SLC26A7: variants seen among roughly 807,000 people sequenced by gnomAD.
SLC26A7 encodes solute carrier family 26 member 7.
SLC26A7 carries 59 observed loss-of-function variants against 82.5 expected under a neutral mutation model. The ratio of observed to expected loss-of-function variants is 0.72; its 90% confidence interval spans 0.58 to 0.89. The LOEUF (loss-of-function observed/expected upper bound fraction) is 0.89. SLC26A7 is among the 40% of genes least tolerant of loss of function. SLC26A7 has a pLI of 0.00. For missense variants in SLC26A7, 820 were observed against 793.0 expected, an observed-to-expected ratio of 1.03 and a Z score of -0.41; for synonymous variants, 271 against 274.3, an observed-to-expected ratio of 0.99 and a Z score of 0.12.
intron 3 of SLC26A7, among the ~76,000 whole-genome samples, chr8:91,294,602 G>A (rs896245783): frequency 2.6e-5 from 4 of 152,268 alleles, no homozygotes; most frequent in Non-Finnish European, 5.9e-5. Context: ...AGTAATGAGA[G>A]CAAATGTTTG....
intron 4 of SLC26A7, among the ~76,000 whole-genome samples, chr8:91,296,032 A>C (rs1206099066): frequency 6.6e-6 from 1 of 152,214 alleles, no homozygotes; most frequent in African/African-American, 2.4e-5. Flanking sequence ...CTAGGTCGTC[A>C]CTGTAAGGGA....
At chr8:91,305,279 C>T (rs1263065457) in intron 4 of SLC26A7, among the ~76,000 whole-genome samples, 2 of 151,876 alleles carry the variant, frequency 1.3e-5, no homozygotes, top group Admixed American at 6.6e-5. Context: ...GTGTCTGTAT[C>T]TGTTTAAATT....
chr8:91,289,223 G>T lies in SLC26A7; in HGVS notation c.281G>T (p.Gly94Val). 1 of 1,613,112 alleles carries T rather than the reference G, an allele frequency of 6.2e-7. No homozygotes were observed. Among genetic ancestry groups the T allele is most frequent in the Non-Finnish European group, 8.5e-7 (1 of 1,179,196 alleles). The part of the protein sequence containing the change: ...LFPAIIYAIF[G>V]MGHHVATGTF... ...CCTGCCATAATTTATGCCATATTTG[G>T]AATGGGACATCATGTTGCCACAGGT... Residue 94 changes from glycine to valine, a missense_variant, in exon 3 of 19, where the codon GGA becomes GTA. By Grantham distance (109) the Gly-to-Val change is moderately radical. Coordinates refer to ENST00000276609, the MANE Select transcript of SLC26A7 (RefSeq NM_052832.4).
chr8:91,225,664 T>G (rs1411466251), intron 2 of SLC26A7, among the ~76,000 whole-genome samples: 15 of 136,504 alleles, frequency 1.1e-4, no homozygotes, highest in Middle Eastern at 3.7e-3. Context: ...TTTTTTTTTT[T>G]TTTTTTTTTT....
intron 4 of SLC26A7, among the ~76,000 whole-genome samples, chr8:91,301,116 A>G (rs1187504395): frequency 6.6e-6 from 1 of 152,184 alleles, no homozygotes; most frequent in Non-Finnish European, 1.5e-5. Flanking sequence ...TTTATTCTTA[A>G]TGTGGTACTG....
chr8:91,379,010 T>TATACTAGC (rs1814595898), intron 15 of SLC26A7, among the ~76,000 whole-genome samples: 1 of 152,002 alleles, frequency 6.6e-6, no homozygotes, highest in Admixed American at 6.6e-5. Flanking sequence ...TTGGTTTCAA[T>TATACTAGC]ATACTAGCAT....
intron 14 of SLC26A7, among the ~76,000 whole-genome samples, chr8:91,367,990 C>T (rs775085410): frequency 9.2e-5 from 14 of 152,252 alleles, no homozygotes; most frequent in African/African-American, 1.4e-4. Flanking sequence ...GGATCAGATA[C>T]GTAATTTACA....
At chr8:91,305,143 T>C (rs1444136246) in intron 4 of SLC26A7, among the ~76,000 whole-genome samples, 1 of 152,206 alleles carries the variant, frequency 6.6e-6, no homozygotes, top group Non-Finnish European at 1.5e-5. Context: ...CAGCTGGTAC[T>C]TAATAAATGT....
At chr8:91,229,893 T>C (rs1033568131) in intron 2 of SLC26A7, among the ~76,000 whole-genome samples, 22 of 152,206 alleles carry the variant, frequency 1.4e-4, no homozygotes, top group Non-Finnish European at 2.6e-4. Flanking sequence ...ACATTTGTAC[T>C]AAAAAATTCG....
intron 15 of SLC26A7, among the ~76,000 whole-genome samples, chr8:91,372,320 A>G (rs1390751728): frequency 2.0e-5 from 3 of 151,880 alleles, no homozygotes; most frequent in African/African-American, 4.8e-5. Context: ...ACCAATGTCC[A>G]GAAGAGTTTT....
At chr8:91,368,427 T>TG (rs1814257161) in intron 14 of SLC26A7, among the ~76,000 whole-genome samples, 1 of 115,864 alleles carries the variant, frequency 8.6e-6, no homozygotes, top group African/African-American at 3.5e-5. Flanking sequence ...TTTTTTTTGT[T>TG]TTTTTTTTTG....
At chr8:91,301,442 T>A (rs1235927419) in intron 4 of SLC26A7, among the ~76,000 whole-genome samples, 2 of 152,172 alleles carry the variant, frequency 1.3e-5, no homozygotes, top group African/African-American at 2.4e-5. Flanking sequence ...CAACCAGAAT[T>A]GGAAATCTTT....
chr8:91,243,143 G>GTGAAA (rs1810496595), intron 2 of SLC26A7, among the ~76,000 whole-genome samples: 2 of 152,096 alleles, frequency 1.3e-5, no homozygotes, highest in South Asian at 4.1e-4. Context: ...ACATTCTAAA[G>GTGAAA]TGAAAATTGG....
intron 4 of SLC26A7, among the ~76,000 whole-genome samples, chr8:91,313,968 T>C (rs1471203969): frequency 6.6e-6 from 1 of 152,208 alleles, no homozygotes; most frequent in African/African-American, 2.4e-5. Context: ...CTGAGATACA[T>C]TCAATTAATG....
At chr8:91,371,138 C>T (rs1024586225) in intron 15 of SLC26A7, among the ~76,000 whole-genome samples, 13 of 151,778 alleles carry the variant, frequency 8.6e-5, no homozygotes, top group African/African-American at 2.2e-4. Flanking sequence ...AATGAAATAG[C>T]ATTATACATT....
intron 9 of SLC26A7, among the ~76,000 whole-genome samples, chr8:91,347,973 T>C (rs183067334): frequency 1.3e-5 from 2 of 152,204 alleles, no homozygotes; most frequent in African/African-American, 4.8e-5. Context: ...CCTTGCATGC[T>C]TCTCTTCACT....
At chr8:91,221,550 A>G (rs1810160589) in intron 2 of SLC26A7, among the ~76,000 whole-genome samples, 1 of 152,126 alleles carries the variant, frequency 6.6e-6, no homozygotes, top group Non-Finnish European at 1.5e-5. Context: ...GTTTTTGTAT[A>G]AGGTGTAAGG....
chr8:91,389,491 G>A, intron 16 of SLC26A7, 53 bp downstream of exon 16: 1 of 1,323,360 alleles, frequency 7.6e-7, no homozygotes, highest in Non-Finnish European at 1.1e-6. Flanking sequence ...TTCAGTAACA[G>A]GGGTTTTCAC....
chr8:91,224,475 C>T (rs1332191057), intron 2 of SLC26A7, among the ~76,000 whole-genome samples: 1 of 152,106 alleles, frequency 6.6e-6, no homozygotes, highest in Non-Finnish European at 1.5e-5. Flanking sequence ...TGGGGGTTCA[C>T]TTCAGGCCTT....
Sources: gnomAD v4.1 joint callset for allele counts (sites outside exome capture counted in the v4.1 genomes callset) on GRCh38, gnomAD v4.1.1 for gene constraint, MANE v1.5 for transcripts, NCBI Gene and HGNC (gene_info 2026-07-23, HGNC 2026-07-21) for gene names.